CCDC180: variants seen among roughly 807,000 people sequenced by gnomAD.
The protein encoded by CCDC180 is coiled-coil domain containing 180.
CCDC180 carries 154 observed loss-of-function variants against 209.2 expected under a neutral mutation model. The ratio of observed to expected loss-of-function variants is 0.74; its 90% CI spans 0.65 to 0.84. The LOEUF is 0.84. CCDC180 is among the 40% of genes least tolerant of loss of function. The pLI, the probability that CCDC180 is intolerant of heterozygous loss-of-function variation, is 0.00. For synonymous variants in CCDC180, 778 were observed against 749.1 expected (o/e 1.04, Z -0.63); for missense variants, 1,874 against 1,997.3 (o/e 0.94, Z 1.18).
intron 12 of CCDC180, among the ~76,000 whole-genome samples, chr9:97,323,528 C>A (rs533131117): frequency 6.6e-6 from 1 of 152,274 alleles, no homozygotes; most frequent in South Asian, 2.1e-4. Flanking sequence ...CCCCCACCCC[C>A]AAAGCTTAAC....
In CCDC180 at chr9:97,370,515, C is replaced by T. The variant is rs1827053178; in HGVS notation, c.4351-126C>T. The T allele has an allele frequency of 4.6e-6, 5 of 1,079,460 alleles. No individual in the cohort carries two copies. The East Asian group carries it at 9.6e-5, about 21-fold the overall frequency. The allele number at this position is 1,079,460 out of a possible 1,614,324, so 66.9% of individuals were successfully genotyped here. A position where few individuals can be genotyped will look rare whatever the true frequency, so the allele number is the denominator to read the frequency against. On this transcript the variant is annotated intron_variant, in intron 32 of 36. Transcript: ENST00000529487. Reference sequence around the variant, plus strand: ...ACCCCTCTGCCACTCTTCTGCCCACCCATCACCCCCACACACCCAGGTCAG... The same window carrying T: ...ACCCCTCTGCCACTCTTCTGCCCACTCATCACCCCCACACACCCAGGTCAG...
chr9:97,372,327 A>G (rs1827124911), intron 34 of CCDC180: 1 of 152,260 alleles, frequency 6.6e-6, no homozygotes, highest in African/African-American at 2.4e-5. Context: ...AAGAATGTCA[A>G]GAAACAGAGA....
intron 11 of CCDC180, 93 bp from the exon 12 acceptor site, chr9:97,322,740 G>A: frequency 9.7e-7 from 1 of 1,032,828 alleles, no homozygotes; most frequent in Non-Finnish European, 1.5e-6. Flanking sequence ...AAATGTTGCT[G>A]TGGAGGCATT....
intron 36 of CCDC180, chr9:97,375,792 G>T: frequency 1.6e-6 from 1 of 637,706 alleles, no homozygotes; most frequent in Non-Finnish European, 2.7e-6. Flanking sequence ...GGTCTGAGGC[G>T]TGATCCCAAT....
At chr9:97,359,209 C>G (rs532235246) in intron 25 of CCDC180, among the ~76,000 whole-genome samples, 1 of 152,314 alleles carries the variant, frequency 6.6e-6, no homozygotes, top group Non-Finnish European at 1.5e-5. Flanking sequence ...AGCTGTAACT[C>G]TTCAACAGGC....
At chr9:97,338,099 T>C (rs1031354093) in intron 18 of CCDC180, among the ~76,000 whole-genome samples, 1 of 152,194 alleles carries the variant, frequency 6.6e-6, no homozygotes, top group Non-Finnish European at 1.5e-5. Context: ...TTGTTGATCT[T>C]TTCAAAAAAC....
At chr9:97,368,234 G>A (rs4743084) in intron 31 of CCDC180, among the ~76,000 whole-genome samples, 77,380 of 152,078 alleles carry the variant, frequency 0.51, 20,325 homozygotes, top group African/African-American at 0.6. Flanking sequence ...AAACACACAA[G>A]AGCCAAAAAT....
intron 16 of CCDC180, among the ~76,000 whole-genome samples, chr9:97,329,789 C>G (rs370794101): frequency 1.1e-4 from 17 of 152,298 alleles, no homozygotes; most frequent in African/African-American, 4.1e-4. Context: ...GCACTCTGGG[C>G]TGGGTGCGGT....
chr9:97,355,105 C>T (rs958987348), intron 24 of CCDC180, 97 bp downstream of exon 24: 20 of 756,544 alleles, frequency 2.6e-5, no homozygotes, highest in Middle Eastern at 2.4e-4. Flanking sequence ...GTCTCTGTCC[C>T]GTGTGTGGGA....
At chr9:97,308,519 C>T (rs1032789012) in intron 2 of CCDC180, among the ~76,000 whole-genome samples, 34 of 152,258 alleles carry the variant, frequency 2.2e-4, no homozygotes, top group African/African-American at 6.5e-4. Context: ...CTTTTCTATG[C>T]CCGTGGGCGC....
chr9:97,339,162 A>G (rs1826000313), intron 18 of CCDC180, among the ~76,000 whole-genome samples: 1 of 152,162 alleles, frequency 6.6e-6, no homozygotes, highest in Admixed American at 6.5e-5. Context: ...ATTTACATTT[A>G]AGGTTAATAT....
upstream of CCDC180, chr9:97,307,543 C>A: frequency 1.6e-6 from 1 of 618,532 alleles, no homozygotes. Flanking sequence ...TTAGCGTGAC[C>A]TGAATCAGGT....
In CCDC180 at chr9:97,317,093, G is replaced by A. The variant is rs17854419; in HGVS notation, c.824G>A (p.Arg275Gln). 8.7e-6 allele frequency: 14 copies of A among 1,613,066 alleles called. No individual in the cohort carries two copies. The highest frequency in any genetic ancestry group is 1.1e-5 in the South Asian group (1 of 91,014). ...ATGAACTATGCCCTGCTGGGCAACC[G>A]GAAGGCTCTCGCCCAGCTGTTTGTC... is the stretch of plus-strand genomic sequence containing the variant. ...MVMNYALLGN[R>Q]KALAQLFVNL... Residue 275 changes from arginine (R) to glutamine (Q), a missense_variant, in exon 9 of 37, where the codon CGG (arginine) becomes CAG (glutamine). By Grantham distance (43) the Arg-to-Gln change is conservative (BLOSUM62 1). Transcript: ENST00000529487.
intron 28 of CCDC180, 32 bp downstream of exon 28, chr9:97,362,473 C>T: frequency 6.3e-7 from 1 of 1,598,928 alleles, no homozygotes; most frequent in East Asian, 2.2e-5. Flanking sequence ...ATCGCCCCTT[C>T]CCAGTCCATC....
chr9:97,341,966 T>G (rs1422866644), intron 18 of CCDC180, among the ~76,000 whole-genome samples: 1 of 152,232 alleles, frequency 6.6e-6, no homozygotes, highest in African/African-American at 2.4e-5. Context: ...TCTGTGGGCA[T>G]GGGACCTGCT....
In CCDC180 at chr9:97,360,086, T is replaced by A; in HGVS notation, c.3468T>A (p.Thr1156=). ...LNCSLDRVSM[T]ELVFTNTILK... ...GCAGCCTGGACAGGGTGTCCATGAC[T>A]GAACTGGTCTTTACCGTAAGGAATG... The change falls in exon 26 of 37, where the codon ACT becomes ACA. Residue 1156 remains threonine, a synonymous_variant. Coordinates refer to ENST00000529487, the MANE Select transcript of CCDC180 (RefSeq NM_020893.6). 6.2e-7 allele frequency: 1 copy of A among 1,613,862 alleles called. No individual in the cohort carries two copies. Among genetic ancestry groups the A allele is most frequent in the South Asian group, 1.1e-5 (1 of 91,048 alleles).
intron 18 of CCDC180, among the ~76,000 whole-genome samples, chr9:97,335,863 T>C (rs991211896): frequency 1.3e-5 from 2 of 152,160 alleles, no homozygotes; most frequent in African/African-American, 4.8e-5. Flanking sequence ...TTTTAATGAT[T>C]GCCATTCTAA....
At chr9:97,360,927 C>T (rs1744560127) in intron 26 of CCDC180, among the ~76,000 whole-genome samples, 1 of 152,202 alleles carries the variant, frequency 6.6e-6, no homozygotes, top group Non-Finnish European at 1.5e-5. Flanking sequence ...CACTGCTAGG[C>T]CCTGCTCTCA....
chr9:97,374,615 A>T lies in CCDC180; in HGVS notation c.4673A>T (p.Glu1558Val). The T allele has an allele frequency of 6.2e-7, 1 of 1,614,158 alleles. No homozygotes were observed. The highest frequency in any genetic ancestry group is 8.5e-7 in the Non-Finnish European group (1 of 1,180,028). The change falls in exon 35 of 37, where the codon GAG becomes GTG. Residue 1558 changes from glutamate (E) to valine (V), a missense_variant. By Grantham distance (121) the Glu-to-Val change is moderately radical. Coordinates refer to ENST00000529487, the MANE Select transcript of CCDC180 (RefSeq NM_020893.6). ...CTCGCTGGGCTCTCCCTGAAGGAAG[A>T]GAGTGAGAAACCCCTGATTGAACGT... Reference protein sequence around the residue: ...RKLAGLSLKEESEKPLIERGS... With the variant: ...RKLAGLSLKEVSEKPLIERGS...
Sources: allele counts gnomAD v4.1 joint callset (sites outside exome capture counted in the v4.1 genomes callset), GRCh38; gene constraint gnomAD v4.1.1; transcripts MANE v1.5; gene names NCBI Gene and HGNC (gene_info 2026-07-23, HGNC 2026-07-21).